Variants in GDPD5 observed in about 807,000 individuals in gnomAD.
The protein encoded by GDPD5 is glycerophosphodiester phosphodiesterase domain containing 5, also known as glycerophosphodiester phosphodiesterase 2.
In GDPD5, 48 loss-of-function variants were observed where a neutral mutation model predicts 75.1. The observed-to-expected ratio is 0.64, with a 90% CI of 0.51 to 0.81. The LOEUF (loss-of-function observed/expected upper bound fraction) is 0.81. Among genes scored for constraint, GDPD5 ranks in the 40% least tolerant of loss-of-function variants. The pLI is 0.00. For synonymous variants in GDPD5, 336 were observed against 339.0 expected (o/e 0.99, Z 0.10); for missense variants, 706 against 822.6 (o/e 0.86, Z 1.73).
At chr11:75,493,898 G>A (rs534086144) in intron 1 of GDPD5, among the ~76,000 whole-genome samples, 37 of 152,218 alleles carry the variant, frequency 2.4e-4, no homozygotes, top group Non-Finnish European at 1.5e-5. Flanking sequence ...TGCACATGGT[G>A]GCTGAGGAAC....
intron 9 of GDPD5, among the ~76,000 whole-genome samples, chr11:75,446,276 G>C (rs575644767): frequency 5.9e-5 from 9 of 152,306 alleles, no homozygotes; most frequent in African/African-American, 2.2e-4. Context: ...GTTCTCTCTG[G>C]GTTAGGTGCT....
intron 4 of GDPD5, among the ~76,000 whole-genome samples, chr11:75,462,351 T>A (rs1949432364): frequency 6.6e-6 from 1 of 152,096 alleles, no homozygotes; most frequent in African/African-American, 2.4e-5. Flanking sequence ...GCAGGCTGAA[T>A]CATCAATGCA....
At chr11:75,474,324 C>G (rs1221142701) in intron 3 of GDPD5, among the ~76,000 whole-genome samples, 1 of 152,224 alleles carries the variant, frequency 6.6e-6, no homozygotes, top group Non-Finnish European at 1.5e-5. Context: ...TTGACACTGC[C>G]TTTTGCAGAC....
chr11:75,459,204 A>G (rs889935526), intron 4 of GDPD5, among the ~76,000 whole-genome samples: 1 of 152,232 alleles, frequency 6.6e-6, no homozygotes, highest in Non-Finnish European at 1.5e-5. Flanking sequence ...TAGTGGCATG[A>G]AATAGTTTCT....
At chr11:75,453,682 G>A (rs1949222963) in intron 6 of GDPD5, among the ~76,000 whole-genome samples, 1 of 150,862 alleles carries the variant, frequency 6.6e-6, no homozygotes, top group Non-Finnish European at 1.5e-5. Context: ...TGTTGCTGAT[G>A]TAAGACCAGA....
At chr11:75,448,706 G>A in intron 9 of GDPD5, 1 of 1,157,564 alleles carries the variant, frequency 8.6e-7, no homozygotes, top group Non-Finnish European at 1.1e-6. Flanking sequence ...CTTCCTAACT[G>A]GCACCTGGGT....
intron 9 of GDPD5, among the ~76,000 whole-genome samples, chr11:75,446,957 C>T (rs1949001097): frequency 6.6e-6 from 1 of 152,074 alleles, no homozygotes; most frequent in Admixed American, 6.5e-5. Context: ...AATCTCGGCT[C>T]GCTGCAACCT....
chr11:75,442,212 G>A, intron 12 of GDPD5, 151 bp downstream of exon 12: 1 of 636,390 alleles, frequency 1.6e-6, no homozygotes, highest in South Asian at 2.0e-5. Flanking sequence ...CTTGTCCCAT[G>A]ATGACCCTGC....
intron 1 of GDPD5, among the ~76,000 whole-genome samples, chr11:75,494,994 A>G (rs1478348636): frequency 3.3e-5 from 5 of 151,514 alleles, no homozygotes; most frequent in Non-Finnish European, 5.9e-5. Flanking sequence ...TAGGCTGGAC[A>G]TGGTGGCTCA....
chr11:75,522,115 C>CTAG (rs1941483312), intron 1 of GDPD5, among the ~76,000 whole-genome samples: 1 of 152,136 alleles, frequency 6.6e-6, no homozygotes, highest in South Asian at 2.1e-4. Context: ...CGCTATCCCA[C>CTAG]CTGCCCCGCC....
At chr11:75,449,369 C>T in intron 8 of GDPD5, 148 bp downstream of exon 8, 1 of 792,990 alleles carries the variant, frequency 1.3e-6, no homozygotes, top group African/African-American at 1.7e-5. Context: ...ACTCTGTGGG[C>T]CACTCTGAGC....
At chr11:75,497,500 G>A (rs1383604313) in intron 1 of GDPD5, among the ~76,000 whole-genome samples, 1 of 151,772 alleles carries the variant, frequency 6.6e-6, no homozygotes, top group Non-Finnish European at 1.5e-5. Flanking sequence ...GGGGGCTCTG[G>A]AATTTTTAGA....
chr11:75,489,710 T>C (rs1040434670), intron 2 of GDPD5, among the ~76,000 whole-genome samples: 2 of 152,122 alleles, frequency 1.3e-5, no homozygotes, highest in South Asian at 2.1e-4. Context: ...ATCACAGGGT[T>C]TGTGAAGAGG....
chr11:75,475,524 C>T lies in GDPD5; in HGVS notation c.117+2095G>A, dbSNP rs373605386. 1.2e-3 allele frequency among the ~76,000 whole-genome samples: 188 copies of T among 152,272 alleles called. No individual in the cohort carries two copies. The South Asian group carries it at 0.013, about 10-fold the overall frequency. On this transcript the variant is annotated intron_variant, in intron 3 of 16. Transcript: ENST00000336898. Reference sequence around the variant, plus strand: ...GAGTCCAGCCCCACCGCTGCCCTCACCCAGCTGCCTCAGGAAGGAATAGAG... The same window carrying T: ...GAGTCCAGCCCCACCGCTGCCCTCATCCAGCTGCCTCAGGAAGGAATAGAG...
At chr11:75,464,006 C>G (rs774085122) in intron 3 of GDPD5, among the ~76,000 whole-genome samples, 5 of 152,248 alleles carry the variant, frequency 3.3e-5, no homozygotes, top group Non-Finnish European at 7.3e-5. Flanking sequence ...TCTAAACTCA[C>G]GCTCTGCACA....
chr11:75,492,887 A>G (rs10751243), intron 1 of GDPD5, among the ~76,000 whole-genome samples: 90,043 of 151,652 alleles, frequency 0.59, 27,572 homozygotes, highest in East Asian at 0.79. Flanking sequence ...CACACACCCC[A>G]CCCAGCTAAT....
intron 11 of GDPD5, 98 bp downstream of exon 11, chr11:75,443,038 G>C: frequency 7.3e-7 from 1 of 1,376,166 alleles, no homozygotes; most frequent in Non-Finnish European, 1.0e-6. Context: ...CTCTGAGAGT[G>C]GGGGTCTCGA....
intron 2 of GDPD5, among the ~76,000 whole-genome samples, chr11:75,481,921 G>T (rs1466288652): frequency 6.6e-6 from 1 of 152,138 alleles, no homozygotes; most frequent in African/African-American, 2.4e-5. Flanking sequence ...GGTAACAGCT[G>T]CTGCCTTGAC....
At chr11:75,488,913 A>C (rs925596916) in intron 2 of GDPD5, among the ~76,000 whole-genome samples, 8 of 152,106 alleles carry the variant, frequency 5.3e-5, no homozygotes, top group African/African-American at 1.9e-4. Flanking sequence ...GCAGCCCCAC[A>C]CCTGGTGATG....
Sources: gnomAD v4.1 joint callset for allele counts (sites outside exome capture counted in the v4.1 genomes callset) on GRCh38, gnomAD v4.1.1 for gene constraint, MANE v1.5 for transcripts, NCBI Gene and HGNC (gene_info 2026-07-23, HGNC 2026-07-21) for gene names.